Variants in ATP10A observed in about 807,000 individuals in gnomAD.
ATP10A encodes the protein phospholipid-transporting ATPase VA.
In ATP10A, 111 loss-of-function variants were observed where a neutral mutation model predicts 147.8. The observed-to-expected ratio is 0.75, with a 90% CI of 0.64 to 0.88. The LOEUF is 0.88. Ranked by LOEUF, ATP10A falls within the 40% of genes least tolerant of loss-of-function variation. The pLI is 0.00. For missense variants in ATP10A, 1,927 were observed against 1,959.0 expected (o/e 0.98, Z 0.31); for synonymous variants, 875 against 841.6 (o/e 1.04, Z -0.69).
intron 1 of ATP10A, among the ~76,000 whole-genome samples, chr15:25,852,694 AC>A (rs1706322537): frequency 6.6e-6 from 1 of 152,132 alleles, no homozygotes; most frequent in African/African-American, 2.4e-5. Context: ...TTTGTCACAA[AC>A]CACTGTCTGT....
At position 25,687,802 on chromosome 15, in the gene ATP10A, C is replaced by T. The variant is rs1232301436; in HGVS notation, c.3192G>A (p.Val1064=). 2.5e-6 allele frequency: 4 copies of T among 1,613,914 alleles called. No individual in the cohort carries two copies. In the East Asian group the frequency reaches 6.7e-5, roughly 27 times the overall value. ...MQAVMASDFA[V]PKFRYLERLL... is the part of the protein sequence containing the mutation. ...GCCTCTCCAGGTATCGGAATTTCGGCACTGCAAAGTCGCTGGCCATCACTG... is the reference window on the plus strand; with the variant it reads ...GCCTCTCCAGGTATCGGAATTTCGGTACTGCAAAGTCGCTGGCCATCACTG... Residue 1064 remains valine, a synonymous_variant, in exon 16 of 21, where the codon GTG becomes GTA. Transcript: ENST00000555815.
chr15:25,704,486 C>A (rs764469058), intron 12 of ATP10A, among the ~76,000 whole-genome samples: 19 of 152,146 alleles, frequency 1.2e-4, no homozygotes, highest in African/African-American at 4.6e-4. Context: ...AAGGCCTTGC[C>A]GGAAACTCCA....
rs896485225 is a variant in ATP10A, at chr15:25,761,308, G to A, written c.654+19711C>T. On this transcript the variant is annotated intron_variant, in intron 2 of 20. Transcript: ENST00000555815. ...TACTGTATGAGTCTGTTCTCACACT[G>A]CTAATAAAGACATACCCGAGACTGG... 3.9e-5 allele frequency among the ~76,000 whole-genome samples: 6 copies of A among 152,310 alleles called. No homozygotes were observed. The South Asian group carries it at 6.2e-4, about 16-fold the overall frequency.
At chr15:25,785,516 C>T (rs1297505877) in intron 1 of ATP10A, among the ~76,000 whole-genome samples, 2 of 152,206 alleles carry the variant, frequency 1.3e-5, no homozygotes, top group Non-Finnish European at 2.9e-5. Flanking sequence ...TTAATAACGT[C>T]CATTCTCGTG....
intron 1 of ATP10A, among the ~76,000 whole-genome samples, chr15:25,805,852 T>C (rs12593583): frequency 0.49 from 74,099 of 152,006 alleles, 20,017 homozygotes; most frequent in East Asian, 0.81. Flanking sequence ...TAAAGGAAAA[T>C]GTATTTTGAA....
chr15:25,728,885 C>T (rs143043904), intron 3 of ATP10A, among the ~76,000 whole-genome samples: 24 of 152,230 alleles, frequency 1.6e-4, no homozygotes, highest in Admixed American at 1.2e-3. Context: ...CGTACTCCTG[C>T]GTGAACAGCC....
intron 2 of ATP10A, among the ~76,000 whole-genome samples, chr15:25,746,252 T>C (rs189812689): frequency 1.3e-5 from 2 of 152,258 alleles, no homozygotes; most frequent in African/African-American, 2.4e-5. Context: ...TCAAAAAGCA[T>C]GTCTCTATAT....
At chr15:25,759,567 AG>A (rs1888641842) in intron 2 of ATP10A, among the ~76,000 whole-genome samples, 5 of 152,102 alleles carry the variant, frequency 3.3e-5, no homozygotes, top group Admixed American at 3.3e-4. Flanking sequence ...GCACTTCTGG[AG>A]GCCAAGGTGG....
At chr15:25,698,873 G>C (rs1900503887) in intron 13 of ATP10A, among the ~76,000 whole-genome samples, 1 of 151,696 alleles carries the variant, frequency 6.6e-6, no homozygotes, top group South Asian at 2.1e-4. Flanking sequence ...TCAGTGCTTG[G>C]GTATGTATCT....
At chr15:25,826,176 C>T (rs1892105695) in intron 1 of ATP10A, among the ~76,000 whole-genome samples, 1 of 151,982 alleles carries the variant, frequency 6.6e-6, no homozygotes, top group Non-Finnish European at 1.5e-5. Flanking sequence ...TCTCAGAGTC[C>T]CGTAGGACAT....
At chr15:25,693,188 A>AT (rs1282565651) in intron 14 of ATP10A, among the ~76,000 whole-genome samples, 6 of 151,464 alleles carry the variant, frequency 4.0e-5, no homozygotes, top group African/African-American at 9.7e-5. Context: ...CACACAGCTA[A>AT]TTTTTTTTAT....
intron 2 of ATP10A, among the ~76,000 whole-genome samples, chr15:25,743,551 G>T (rs1474429996): frequency 6.6e-6 from 1 of 152,252 alleles, no homozygotes; most frequent in Non-Finnish European, 1.5e-5. Context: ...TACAGCTTCT[G>T]CAAGATGTAG....
chr15:25,720,785 A>G (rs1440180298), intron 7 of ATP10A, among the ~76,000 whole-genome samples: 1 of 152,260 alleles, frequency 6.6e-6, no homozygotes, highest in East Asian at 1.9e-4. Flanking sequence ...GACTGTGGCT[A>G]TCATGATAAT....
At chr15:25,840,118 A>T (rs184126291) in intron 1 of ATP10A, among the ~76,000 whole-genome samples, 2 of 152,212 alleles carry the variant, frequency 1.3e-5, no homozygotes, top group African/African-American at 4.8e-5. Flanking sequence ...GTTATTTCAC[A>T]AATGTTCTAT....
chr15:25,689,663 G>A (rs1479533984), intron 15 of ATP10A, among the ~76,000 whole-genome samples: 2 of 152,202 alleles, frequency 1.3e-5, no homozygotes, highest in African/African-American at 4.8e-5. Flanking sequence ...CACATCCCCA[G>A]GGAGGATGCA....
Position 25,777,092 on chromosome 15 carries a change from C to CGTGT in ATP10A, c.654+3926_654+3927insACAC, listed in dbSNP as rs1555468151. ...GTGTGTGCATGCGTGTGTGTGCATA[C>CGTGT]GTGCGTGTGTGTGTGTGTGTGTGTG... On this transcript the variant is annotated intron_variant, in intron 2 of 20. Transcript: ENST00000555815. 6.6e-4 allele frequency among the ~76,000 whole-genome samples: 61 copies of CGTGT among 92,118 alleles called. 1 individual carries two copies. In the East Asian group the frequency reaches 0.015, roughly 22 times the overall value. 60.4% of individuals were successfully genotyped at this position (92,118 alleles called of 152,430 possible). A position where few individuals can be genotyped will look rare whatever the true frequency, so the allele number is the denominator to read the frequency against.
chr15:25,828,461 T>C (rs1037744618), intron 1 of ATP10A, among the ~76,000 whole-genome samples: 18 of 152,200 alleles, frequency 1.2e-4, no homozygotes, highest in Admixed American at 1.2e-3. Context: ...GGAATGAACT[T>C]AGAAATGAAA....
At chr15:25,693,278 C>T (rs1387617114) in intron 14 of ATP10A, among the ~76,000 whole-genome samples, 2 of 152,210 alleles carry the variant, frequency 1.3e-5, no homozygotes, top group Admixed American at 1.3e-4. Context: ...CTGCCTTGGC[C>T]TCCCAAACTG....
At position 25,799,887 on chromosome 15, in the gene ATP10A, G is replaced by A. The variant is rs143019114; in HGVS notation, c.450-18664C>T. ...TTAGGTAAAAGTTCTGGAATACAAT[G>A]TATCTCTTCCTGGCCAACAACAACA... On this transcript the variant is annotated intron_variant, in intron 1 of 20. Coordinates refer to ENST00000555815, the MANE Select transcript of ATP10A (RefSeq NM_024490.4). 7.4e-3 allele frequency among the ~76,000 whole-genome samples: 1,133 copies of A among 152,286 alleles called. 6 individuals are homozygous for A. The highest frequency in any genetic ancestry group is 0.024 in the Middle Eastern group (7 of 294).
Sources: allele counts gnomAD v4.1 joint callset (sites outside exome capture counted in the v4.1 genomes callset), GRCh38; gene constraint gnomAD v4.1.1; transcripts MANE v1.5; gene names NCBI Gene and HGNC (gene_info 2026-07-23, HGNC 2026-07-21).